Variants in CEP63 observed in about 807,000 individuals in gnomAD.
The protein encoded by CEP63 is centrosomal protein 63.
Under a neutral mutation model 89.1 loss-of-function variants are expected in CEP63, and 84 were observed. That is an observed-to-expected ratio of 0.94 (90% CI 0.79 to 1.13). CEP63 has a LOEUF of 1.13. CEP63 is among the 50% of genes most tolerant of loss of function. The pLI is 0.00. For synonymous variants in CEP63, 267 were observed against 272.5 expected (o/e 0.98, Z 0.20); for missense variants, 838 against 813.3 (o/e 1.03, Z -0.37).
At chr3:134,766,321 T>C in the CEP63 span, among the ~76,000 whole-genome samples, 1 of 152,252 alleles carries the variant, frequency 6.6e-6, no homozygotes, top group Admixed American at 6.5e-5. Context: ...AGTATTGCTC[T>C]GCCTTTTTCT....
the CEP63 span, among the ~76,000 whole-genome samples, chr3:134,714,716 T>C: frequency 6.6e-6 from 1 of 152,248 alleles, no homozygotes; most frequent in East Asian, 1.9e-4. Context: ...TCTAAGACTG[T>C]ATACAGGTGG....
chr3:134,507,174 C>T lies in CEP63; in HGVS notation c.110C>T (p.Ala37Val). Residue 37 changes from alanine (A) to valine (V), a missense_variant, in exon 3 of 15, where the codon GCT (alanine) becomes GTT (valine). By Grantham distance (64) the Ala-to-Val change is moderately conservative. Transcript: ENST00000675561. ...ELMKQIDIMVAHKKSEWEGRT... is the reference protein window; with the variant it reads ...ELMKQIDIMVVHKKSEWEGRT... Reference sequence around the variant, plus strand: ...ATGAAACAGATTGACATAATGGTGGCTCATAAAAAATCTGAATGGGAAGGA... The same window carrying T: ...ATGAAACAGATTGACATAATGGTGGTTCATAAAAAATCTGAATGGGAAGGA... 6.2e-7 allele frequency: 1 copy of T among 1,613,150 alleles called. No individual in the cohort carries two copies.
In CEP63 at chr3:134,584,956, GT is replaced by G. The variant is rs780691730; in HGVS notation, c.1207-2484del. 4.9e-3 allele frequency among the ~76,000 whole-genome samples: 175 copies of G among 36,058 alleles called. 1 individual carries two copies. Among genetic ancestry groups the G allele is most frequent in the African/African-American group, 0.014 (159 of 11,776 alleles). 23.7% of individuals were successfully genotyped at this position (36,058 alleles called of 152,430 possible). On this transcript the variant is annotated intron_variant, in intron 10 of 10. Transcript: ENST00000683931. ...ATCCATTTCTTCTAGATTTTCTAGG[GT>G]TTTTTTTTTTTTTTTTTGCATGGAG...
At position 134,495,358 on chromosome 3, in the gene CEP63, A is replaced by G. The variant is rs1263153790; in HGVS notation, c.38A>G (p.His13Arg). ...ALLEGIQNRG[H>R]GGGFLTSCEA... ...TTAGAAGGAATACAAAATCGAGGGC[A>G]TGGTGGGTAAGTTTGCTTTTTTTAA... The change falls in exon 2 of 15, where the codon CAT becomes CGT. Residue 13 changes from histidine (H) to arginine (R), a missense_variant. By Grantham distance (29) the His-to-Arg change is conservative. Coordinates refer to ENST00000675561, the MANE Select transcript of CEP63 (RefSeq NM_001353108.3). The G allele has an allele frequency of 1.5e-5, 24 of 1,612,110 alleles. No homozygotes were observed. Among genetic ancestry groups the G allele is most frequent in the Non-Finnish European group, 2.0e-5 (23 of 1,178,424 alleles).
the CEP63 span, among the ~76,000 whole-genome samples, chr3:134,626,638 G>A: frequency 6.6e-6 from 1 of 152,208 alleles, no homozygotes; most frequent in African/African-American, 2.4e-5. Context: ...AGAGATGTGG[G>A]GAGAAGGTGG....
intron 3 of CEP63, among the ~76,000 whole-genome samples, chr3:134,508,769 A>T (rs866344942): frequency 6.6e-6 from 1 of 152,184 alleles, no homozygotes; most frequent in African/African-American, 2.4e-5. Context: ...CATGGTAAGG[A>T]TATGAAGATG....
chr3:134,592,443 A>G (rs956472936), downstream of CEP63, among the ~76,000 whole-genome samples: 9 of 148,980 alleles, frequency 6.0e-5, no homozygotes, highest in Admixed American at 1.3e-4. Context: ...ATTTTTTCAA[A>G]CAACCACAAA....
At chr3:134,777,366 A>T in the CEP63 span, among the ~76,000 whole-genome samples, 62 of 152,312 alleles carry the variant, frequency 4.1e-4, 3 homozygotes, top group South Asian at 0.012. Flanking sequence ...AGCCACACAT[A>T]GTGCTCCATA....
rs761978846 is a variant in CEP63, at chr3:134,507,215, G to C, written c.151G>C (p.Glu51Gln). ...SEWEGRTHAL[E>Q]TCLKIREQEL... ...ATGGGAAGGACGTACACATGCTCTA[G>C]AAACTTGCTTGAAAATCCGTGAACA... The change falls in exon 3 of 15, where the codon GAA becomes CAA. Residue 51 changes from glutamate to glutamine, a missense_variant. Physicochemically the swap from Glu to Gln is conservative, Grantham distance 29. Coordinates refer to ENST00000675561, the MANE Select transcript of CEP63 (RefSeq NM_001353108.3). 1.2e-6 allele frequency: 2 copies of C among 1,613,770 alleles called. No individual in the cohort carries two copies. Among genetic ancestry groups the C allele is most frequent in the Non-Finnish European group, 1.7e-6 (2 of 1,179,830 alleles).
At chr3:134,662,662 A>G in the CEP63 span, among the ~76,000 whole-genome samples, 2 of 152,250 alleles carry the variant, frequency 1.3e-5, no homozygotes, top group African/African-American at 4.8e-5. Flanking sequence ...TAGTTCAAAT[A>G]TGTTTGCTAA....
the CEP63 span, chr3:134,607,830 C>T: frequency 7.7e-5 from 76 of 987,904 alleles, 1 homozygote; most frequent in East Asian, 1.1e-4. Flanking sequence ...GGGCTGGAAA[C>T]GGCTGGGTCC....
At chr3:134,758,195 CTGAT>C in the CEP63 span, among the ~76,000 whole-genome samples, 1 of 152,182 alleles carries the variant, frequency 6.6e-6, no homozygotes, top group Non-Finnish European at 1.5e-5. Context: ...TGTAACAACT[CTGAT>C]TGTAAGTGCC....
At chr3:134,711,464 G>C in the CEP63 span, among the ~76,000 whole-genome samples, 1 of 152,068 alleles carries the variant, frequency 6.6e-6, no homozygotes, top group East Asian at 1.9e-4. Context: ...CTTCACTGTG[G>C]TTACAAGAGG....
chr3:134,571,194 T>A (rs1048615607), intron 11 of CEP63, among the ~76,000 whole-genome samples: 11 of 152,236 alleles, frequency 7.2e-5, no homozygotes, highest in African/African-American at 2.4e-4. Context: ...GGTCAGCCTC[T>A]GAATGGGATT....
chr3:134,535,107 T>C (rs1950531168), intron 5 of CEP63, among the ~76,000 whole-genome samples: 1 of 152,162 alleles, frequency 6.6e-6, no homozygotes, highest in Non-Finnish European at 1.5e-5. Context: ...CTCTTAAATA[T>C]CCTCTCTTGA....
chr3:134,732,929 A>G, the CEP63 span, among the ~76,000 whole-genome samples: 1 of 152,202 alleles, frequency 6.6e-6, no homozygotes, highest in South Asian at 2.1e-4. Context: ...AATAAAATAT[A>G]TTACTCACAA....
chr3:134,560,009 G>C (rs1359105566), intron 14 of CEP63, among the ~76,000 whole-genome samples: 4 of 152,194 alleles, frequency 2.6e-5, no homozygotes, highest in African/African-American at 9.7e-5. Flanking sequence ...CCTGTCACCA[G>C]CTGTGGCCAT....
At chr3:134,633,694 C>T in the CEP63 span, among the ~76,000 whole-genome samples, 1 of 152,074 alleles carries the variant, frequency 6.6e-6, no homozygotes, top group Non-Finnish European at 1.5e-5. Context: ...ATATTGGGAA[C>T]AAGTCATAGA....
chr3:134,761,847 C>G, the CEP63 span, among the ~76,000 whole-genome samples: 1 of 152,168 alleles, frequency 6.6e-6, no homozygotes, highest in East Asian at 1.9e-4. Context: ...TTGTCTGAAG[C>G]CTCCAGCCAC....
Sources: allele counts gnomAD v4.1 joint callset (sites outside exome capture counted in the v4.1 genomes callset), GRCh38; gene constraint gnomAD v4.1.1; transcripts MANE v1.5; gene names NCBI Gene and HGNC (gene_info 2026-07-23, HGNC 2026-07-21).